Variants in NRG1 observed in about 807,000 individuals in gnomAD.
The protein encoded by NRG1 is neuregulin 1.
In NRG1, 18 loss-of-function variants were observed where a neutral mutation model predicts 63.8. The ratio of observed to expected loss-of-function variants is 0.28; its 90% CI spans 0.19 to 0.42. The LOEUF (loss-of-function observed/expected upper bound fraction) is 0.42, where lower values mean the gene tolerates loss of function less well. Among genes scored for constraint, NRG1 ranks in the 10% least tolerant of loss-of-function variants. The probability of loss-of-function intolerance (pLI) is 1.00; values close to 1 mark genes in which losing one functional copy is unlikely to be tolerated. For synonymous variants in NRG1, 302 were observed against 301.3 expected, an observed-to-expected ratio of 1.00 and a Z score of -0.02; for missense variants, 762 against 814.7, an observed-to-expected ratio of 0.94 and a Z score of 0.79.
intron 1 of NRG1, among the ~76,000 whole-genome samples, chr8:31,764,495 A>T (rs1434663946): frequency 6.6e-6 from 1 of 152,218 alleles, no homozygotes; most frequent in East Asian, 1.9e-4. Flanking sequence ...TATAATATGT[A>T]TTGAAGGTAG....
intron 1 of NRG1, among the ~76,000 whole-genome samples, chr8:31,742,253 GA>G (rs1224058842): frequency 2.0e-5 from 3 of 151,822 alleles, no homozygotes; most frequent in African/African-American, 2.4e-5. Flanking sequence ...TGGAGGGAAG[GA>G]GGGGGCTATG....
intron 1 of NRG1, among the ~76,000 whole-genome samples, chr8:32,082,980 G>T (rs1365333748): frequency 2.0e-5 from 3 of 152,042 alleles, no homozygotes; most frequent in Non-Finnish European, 2.9e-5. Flanking sequence ...AAGGGCAAAT[G>T]AATAAATAAA....
At chr8:32,065,979 G>A (rs1328937919) in intron 1 of NRG1, among the ~76,000 whole-genome samples, 1 of 152,206 alleles carries the variant, frequency 6.6e-6, no homozygotes, top group Non-Finnish European at 1.5e-5. Context: ...CCGCATAAAT[G>A]TCTTCTTTTG....
intron 1 of NRG1, among the ~76,000 whole-genome samples, chr8:32,498,997 C>T (rs909336905): frequency 2.6e-5 from 4 of 152,170 alleles, no homozygotes; most frequent in Non-Finnish European, 4.4e-5. Flanking sequence ...GAGTTGCATA[C>T]CTCAAAAGCT....
rs1481260325 is a variant in NRG1, at chr8:31,929,304, T to A, written c.37+289873T>A. ...ATAGAAAAATAAGAGGCAGATGTAG[T>A]TCTAGCTCTTAATAAACCTGGCTAA... On this transcript the variant is annotated intron_variant, in intron 1 of 10. Coordinates refer to the NRG1 transcript ENST00000519301. Among the ~76,000 whole-genome samples, 5 of 152,284 alleles carry A rather than the reference T, an allele frequency of 3.3e-5. No homozygotes were observed. In the East Asian group the frequency reaches 9.7e-4, roughly 29 times the overall value.
chr8:32,391,601 G>C (rs1811775815), intron 1 of NRG1, among the ~76,000 whole-genome samples: 1 of 152,166 alleles, frequency 6.6e-6, no homozygotes. Flanking sequence ...ACTTAAAAGT[G>C]AGAATATGTG....
chr8:32,128,452 T>G (rs1231252118), intron 1 of NRG1, among the ~76,000 whole-genome samples: 2 of 151,954 alleles, frequency 1.3e-5, no homozygotes, highest in African/African-American at 4.8e-5. Flanking sequence ...TTTGCTTTAT[T>G]TTGTTGTGTC....
chr8:32,276,353 A>G (rs1448004258), intron 1 of NRG1, among the ~76,000 whole-genome samples: 4 of 152,138 alleles, frequency 2.6e-5, no homozygotes, highest in Non-Finnish European at 5.9e-5. Flanking sequence ...AAGCTGATCC[A>G]TGTTTGCTGC....
downstream of NRG1, among the ~76,000 whole-genome samples, chr8:32,770,344 T>C (rs998030041): frequency 1.3e-5 from 2 of 152,214 alleles, no homozygotes; most frequent in Non-Finnish European, 1.5e-5. Context: ...TTAAAATCTT[T>C]CTTGGAGTTA....
intron 1 of NRG1, among the ~76,000 whole-genome samples, chr8:32,433,322 A>C (rs1314225487): frequency 6.6e-6 from 1 of 152,142 alleles, no homozygotes; most frequent in Non-Finnish European, 1.5e-5. Context: ...AGGTGACAGA[A>C]TCCCAAAAGG....
At chr8:31,639,330 G>A (rs1803505092) in exon 1 of NRG1, 1 of 1,529,056 alleles carries the variant, frequency 6.5e-7, no homozygotes, top group African/African-American at 1.4e-5. Context: ...AGAGGGAGGA[G>A]GCGCGCGGGG....
chr8:32,570,604 G>C (rs1838368763), intron 1 of NRG1, among the ~76,000 whole-genome samples: 1 of 152,198 alleles, frequency 6.6e-6, no homozygotes, highest in Middle Eastern at 3.4e-3. Flanking sequence ...CTATCATTAA[G>C]CTTGTTAAGA....
intron 5 of NRG1, among the ~76,000 whole-genome samples, chr8:32,704,702 C>A (rs939461734): frequency 5.9e-5 from 9 of 152,210 alleles, no homozygotes; most frequent in Non-Finnish European, 1.2e-4. Context: ...CCACTACTGT[C>A]ATGAAATTAA....
chr8:31,996,589 A>T (rs965695772), intron 1 of NRG1, among the ~76,000 whole-genome samples: 5 of 151,916 alleles, frequency 3.3e-5, no homozygotes, highest in African/African-American at 1.2e-4. Flanking sequence ...TTTAAAAAAA[A>T]TTAGCCAGGT....
intron 1 of NRG1, among the ~76,000 whole-genome samples, chr8:32,525,136 C>T (rs1415847330): frequency 6.6e-6 from 1 of 152,156 alleles, no homozygotes; most frequent in Non-Finnish European, 1.5e-5. Context: ...ACTTGGGAGA[C>T]TGTTTTCTTG....
chr8:32,631,118 A>G (rs149507471), intron 5 of NRG1, among the ~76,000 whole-genome samples: 69 of 152,318 alleles, frequency 4.5e-4, no homozygotes, highest in Admixed American at 1.0e-3. Flanking sequence ...TACCTCTTTT[A>G]TACCAGTTGT....
Position 32,065,708 on chromosome 8 carries a change from G to A in NRG1, c.37+426277G>A, listed in dbSNP as rs1586846231. Among the ~76,000 whole-genome samples the A allele has an allele frequency of 2.0e-5, 3 of 152,042 alleles. No individual in the cohort carries two copies. The South Asian group carries it at 6.2e-4, about 32-fold the overall frequency. Reference sequence around the variant, plus strand: ...TCCTTTGGGTATATACCCAGTAATGGGATTGCTGGGTCAAATGGTATTTCT... The same window carrying A: ...TCCTTTGGGTATATACCCAGTAATGAGATTGCTGGGTCAAATGGTATTTCT... On this transcript the variant is annotated intron_variant, in intron 1 of 10. Coordinates refer to the NRG1 transcript ENST00000519301.
At chr8:32,603,543 T>A (rs1335025375) in intron 2 of NRG1, among the ~76,000 whole-genome samples, 4 of 151,930 alleles carry the variant, frequency 2.6e-5, no homozygotes, top group Non-Finnish European at 5.9e-5. Context: ...AATGGTGTGG[T>A]CTCGGCTCAC....
At chr8:32,368,666 C>G (rs1587127836) in intron 1 of NRG1, among the ~76,000 whole-genome samples, 1 of 152,200 alleles carries the variant, frequency 6.6e-6, no homozygotes, top group African/African-American at 2.4e-5. Context: ...CCTGCAATGA[C>G]AGAGTAGCCA....
Sources: gnomAD v4.1 joint callset for allele counts (sites outside exome capture counted in the v4.1 genomes callset) on GRCh38, gnomAD v4.1.1 for gene constraint, MANE v1.5 for transcripts, NCBI Gene and HGNC (gene_info 2026-07-23, HGNC 2026-07-21) for gene names.